The following KIAA1217 variants were observed in gnomAD, a reference collection of about 807,000 sequenced individuals.
The protein encoded by KIAA1217 is sickle tail protein homolog.
A neutral mutation model predicts 163.9 loss-of-function variants in KIAA1217; 88 were observed. The observed-to-expected ratio is 0.54, with a 90% CI of 0.45 to 0.64. KIAA1217 has a LOEUF of 0.64. KIAA1217 is among the 30% of genes least tolerant of loss of function. KIAA1217 has a pLI of 0.00. For missense variants in KIAA1217, 2,372 were observed against 2,475.0 expected, an observed-to-expected ratio of 0.96 and a Z score of 0.88; for synonymous variants, 903 against 923.1, an observed-to-expected ratio of 0.98 and a Z score of 0.39.
chr10:23,835,891 T>A (rs1414449), intron 1 of KIAA1217, among the ~76,000 whole-genome samples: 47,522 of 151,960 alleles, frequency 0.31, 9,508 homozygotes, highest in African/African-American at 0.57. Context: ...TTTGTTGTTT[T>A]TTAAGCTCCT....
chr10:24,494,982 G>A (rs2066607845), intron 7 of KIAA1217, 165 bp from the exon 8 acceptor site: 1 of 622,248 alleles, frequency 1.6e-6, no homozygotes, highest in African/African-American at 1.9e-5. Context: ...GCACACCTGG[G>A]AAGCCTTTTC....
intron 2 of KIAA1217, among the ~76,000 whole-genome samples, chr10:24,278,636 G>A (rs1590516778): frequency 6.6e-6 from 1 of 152,232 alleles, no homozygotes; most frequent in African/African-American, 2.4e-5. Flanking sequence ...CCACTGGGGA[G>A]ACAGAAGGAA....
At chr10:24,164,525 G>A (rs192344558) in intron 2 of KIAA1217, among the ~76,000 whole-genome samples, 1 of 152,186 alleles carries the variant, frequency 6.6e-6, no homozygotes, top group East Asian at 1.9e-4. Flanking sequence ...ATAGTTCTTG[G>A]TGTAGAGTGG....
intron 3 of KIAA1217, among the ~76,000 whole-genome samples, chr10:24,391,741 G>A (rs1396416668): frequency 1.3e-5 from 2 of 152,128 alleles, no homozygotes; most frequent in African/African-American, 4.8e-5. Context: ...AGACTTTTCA[G>A]TGCTGAAGAT....
intron 1 of KIAA1217, among the ~76,000 whole-genome samples, chr10:23,726,499 A>G (rs999863752): frequency 6.6e-6 from 1 of 152,158 alleles, no homozygotes; most frequent in Admixed American, 6.5e-5. Flanking sequence ...ATGGGCAAGG[A>G]CTTCAAGTCT....
intron 2 of KIAA1217, among the ~76,000 whole-genome samples, chr10:24,148,273 T>C (rs1169419532): frequency 1.3e-5 from 2 of 152,214 alleles, no homozygotes; most frequent in Admixed American, 6.5e-5. Context: ...TGTAGTATTA[T>C]GTAGAATTGC....
At chr10:24,545,605 T>G in intron 20 of KIAA1217, 1 of 1,381,598 alleles carries the variant, frequency 7.2e-7, no homozygotes, top group Non-Finnish European at 9.3e-7. Flanking sequence ...CTCTCACAAA[T>G]GTATTCTTCC....
At chr10:24,206,871 G>T (rs1364698552), upstream of KIAA1217, among the ~76,000 whole-genome samples, 1 of 152,158 alleles carries the variant, frequency 6.6e-6, no homozygotes, top group African/African-American at 2.4e-5. Context: ...TGACCAAGGG[G>T]GTTCCTTGGG....
chr10:24,032,513 A>G (rs1028523781), intron 2 of KIAA1217, among the ~76,000 whole-genome samples: 2 of 152,154 alleles, frequency 1.3e-5, no homozygotes, highest in Non-Finnish European at 2.9e-5. Flanking sequence ...CTGGCATTAC[A>G]GGCATGAGCC....
chr10:24,423,620 C>T lies in KIAA1217; in HGVS notation c.554-9375C>T, dbSNP rs540470693. Among the ~76,000 whole-genome samples, 6 of 152,246 alleles carry T rather than the reference C, an allele frequency of 3.9e-5. No homozygotes were observed. In the South Asian group the frequency reaches 1.2e-3, roughly 32 times the overall value. The stretch of plus-strand genomic sequence containing the variant: ...GACTACAGGCATGCACCACCACACC[C>T]AGCTAATTTTTGTATTTTTAGTAGA... On this transcript the variant is annotated intron_variant, in intron 3 of 20. Transcript: ENST00000376454.
intron 1 of KIAA1217, among the ~76,000 whole-genome samples, chr10:24,006,426 C>T (rs758245460): frequency 2.0e-5 from 3 of 152,116 alleles, no homozygotes; most frequent in Non-Finnish European, 4.4e-5. Flanking sequence ...GGGAAAAATA[C>T]TGTTTTAACC....
chr10:23,778,489 G>C (rs961116479), intron 1 of KIAA1217, among the ~76,000 whole-genome samples: 3 of 152,170 alleles, frequency 2.0e-5, no homozygotes, highest in Non-Finnish European at 4.4e-5. Context: ...CTTTATGGTG[G>C]ATAAGGGGAA....
chr10:23,837,460 C>G (rs1838531025), intron 1 of KIAA1217, among the ~76,000 whole-genome samples: 1 of 152,152 alleles, frequency 6.6e-6, no homozygotes, highest in Admixed American at 6.5e-5. Flanking sequence ...GCCATGCACC[C>G]CAAGGACATT....
intron 2 of KIAA1217, among the ~76,000 whole-genome samples, chr10:24,050,205 G>T (rs1361094608): frequency 6.6e-6 from 1 of 152,058 alleles, no homozygotes; most frequent in Non-Finnish European, 1.5e-5. Context: ...CTGGATATTA[G>T]CCCTTTGTCA....
At chr10:23,728,292 G>A (rs1396912052) in intron 1 of KIAA1217, among the ~76,000 whole-genome samples, 2 of 152,144 alleles carry the variant, frequency 1.3e-5, no homozygotes, top group Admixed American at 6.5e-5. Flanking sequence ...TAGCGTGAAA[G>A]TGTTCCTATT....
intron 2 of KIAA1217, among the ~76,000 whole-genome samples, chr10:24,262,487 C>T (rs1355707114): frequency 3.9e-5 from 6 of 151,982 alleles, no homozygotes; most frequent in African/African-American, 1.2e-4. Flanking sequence ...ATTAGCCGGG[C>T]GAGGTGGCGG....
At chr10:24,165,090 A>G (rs1411759059) in intron 2 of KIAA1217, among the ~76,000 whole-genome samples, 2 of 152,212 alleles carry the variant, frequency 1.3e-5, no homozygotes, top group African/African-American at 4.8e-5. Flanking sequence ...TAAGAGAAAA[A>G]TGGCAGAGTA....
chr10:24,390,502 A>C (rs567355297), intron 3 of KIAA1217, among the ~76,000 whole-genome samples: 1,786 of 83,302 alleles, frequency 0.021, 50 homozygotes, highest in African/African-American at 0.11. Context: ...GGAAGGAAGG[A>C]AGGAAGGAAG....
At chr10:24,276,257 C>T (rs143924739) in intron 2 of KIAA1217, among the ~76,000 whole-genome samples, 13 of 152,204 alleles carry the variant, frequency 8.5e-5, no homozygotes, top group East Asian at 7.7e-4. Flanking sequence ...TTGAACAGAA[C>T]GCAGAAACAC....
Sources: allele counts gnomAD v4.1 joint callset (sites outside exome capture counted in the v4.1 genomes callset), GRCh38; gene constraint gnomAD v4.1.1; transcripts MANE v1.5; gene names NCBI Gene and HGNC (gene_info 2026-07-23, HGNC 2026-07-21).